The following MPHOSPH8 variants were observed in gnomAD, a reference collection of about 807,000 sequenced individuals.
The protein encoded by MPHOSPH8 is M-phase phosphoprotein 8, also known as M-phase phosphoprotein, mpp.
A neutral mutation model predicts 87.3 loss-of-function variants in MPHOSPH8; 45 were observed. The ratio of observed to expected loss-of-function variants is 0.52; its 90% CI spans 0.41 to 0.66. MPHOSPH8 has a LOEUF of 0.66. Ranked by LOEUF, MPHOSPH8 falls within the 30% of genes least tolerant of loss-of-function variation. MPHOSPH8 has a pLI of 0.00. For missense variants in MPHOSPH8, 883 were observed against 1,020.2 expected (o/e 0.87, Z 1.83); for synonymous variants, 366 against 376.9 (o/e 0.97, Z 0.33).
chr13:19,656,486 G>A (rs1363161528), intron 5 of MPHOSPH8, among the ~76,000 whole-genome samples: 8 of 152,124 alleles, frequency 5.3e-5, no homozygotes, highest in Admixed American at 2.6e-4. Flanking sequence ...CAGGCCGGGC[G>A]CGGTGGCTCA....
At chr13:19,657,516 C>T (rs575328048) in intron 5 of MPHOSPH8, among the ~76,000 whole-genome samples, 43 of 149,348 alleles carry the variant, frequency 2.9e-4, no homozygotes, top group African/African-American at 1.0e-3. Context: ...TGCAGTGAGC[C>T]GAGATGGCGC....
In MPHOSPH8 at chr13:19,668,513, C is replaced by T. The variant is rs1875943295; in HGVS notation, c.2311C>T (p.Pro771Ser). 4.3e-6 allele frequency: 7 copies of T among 1,614,048 alleles called. No homozygotes were observed. In the East Asian group the frequency reaches 1.1e-4, roughly 26 times the overall value. The part of the protein sequence containing the change: ...DFSTDFNYKP[P>S]QNIPEGSGIL... ...TTCAACAGATTTCAATTACAAACCCCCACAGAACATACCAGAAGGTAAGCC... is the reference window on the plus strand; with the variant it reads ...TTCAACAGATTTCAATTACAAACCCTCACAGAACATACCAGAAGGTAAGCC... The change falls in exon 11 of 14, where the codon CCA becomes TCA. Residue 771 changes from proline to serine, a missense_variant. Transcript: ENST00000361479.
intron 10 of MPHOSPH8, 145 bp downstream of exon 10, chr13:19,666,724 A>G: frequency 1.6e-6 from 1 of 630,106 alleles, no homozygotes; most frequent in Non-Finnish European, 2.4e-6. Context: ...AGTAGATCAC[A>G]GATTTAATAA....
In MPHOSPH8 at chr13:19,668,533, T is replaced by C. The variant is rs766819203; in HGVS notation, c.2329+2T>C. The C allele has an allele frequency of 1.2e-6, 2 of 1,611,988 alleles. No individual in the cohort carries two copies. Among genetic ancestry groups the C allele is most frequent in the Non-Finnish European group, 1.7e-6 (2 of 1,179,168 alleles). On this transcript the variant is annotated splice_donor_variant, in intron 11 of 13. Transcript: ENST00000361479. LOFTEE classifies it high-confidence loss of function. Reference sequence around the variant, plus strand: ...AACCCCCACAGAACATACCAGAAGGTAAGCCGATGCCTCCCTTCACACTTT... The same window carrying C: ...AACCCCCACAGAACATACCAGAAGGCAAGCCGATGCCTCCCTTCACACTTT...
chr13:19,645,507 C>G (rs1194029855), intron 2 of MPHOSPH8, among the ~76,000 whole-genome samples: 1 of 152,098 alleles, frequency 6.6e-6, no homozygotes, highest in Admixed American at 6.6e-5. Flanking sequence ...CGCCGTGGCT[C>G]ACCCCTGTAA....
intron 9 of MPHOSPH8, among the ~76,000 whole-genome samples, chr13:19,664,301 T>C (rs1465629141): frequency 1.3e-5 from 2 of 152,214 alleles, no homozygotes; most frequent in Non-Finnish European, 2.9e-5. Context: ...TGTGGTTGTC[T>C]TGTGTGGAGC....
chr13:19,657,075 T>G (rs1377540900), intron 5 of MPHOSPH8, among the ~76,000 whole-genome samples: 1 of 123,716 alleles, frequency 8.1e-6, no homozygotes, highest in Non-Finnish European at 1.5e-5. Flanking sequence ...TGAGCTGAGA[T>G]AGTGCCACTG....
In MPHOSPH8 at chr13:19,643,362, C is replaced by T. The variant is rs985952264; in HGVS notation, c.369+1092C>T. On this transcript the variant is annotated intron_variant, in intron 2 of 13. Transcript: ENST00000361479. The stretch of plus-strand genomic sequence containing the variant: ...GGTTCAAGTGACAATCCTCCCACCT[C>T]AGCCTCCCAAGCAGCTAGGACTATA... Among the ~76,000 whole-genome samples, 4 of 152,122 alleles carry T rather than the reference C, an allele frequency of 2.6e-5. No individual in the cohort carries two copies. The East Asian group carries it at 5.8e-4, about 22-fold the overall frequency.
chr13:19,648,096 G>A (rs1409132898), intron 3 of MPHOSPH8, among the ~76,000 whole-genome samples: 1 of 151,572 alleles, frequency 6.6e-6, no homozygotes, highest in Non-Finnish European at 1.5e-5. Flanking sequence ...GGGGGAACAT[G>A]GAGAAGTACA....
intron 1 of MPHOSPH8, among the ~76,000 whole-genome samples, chr13:19,637,072 G>C (rs1874047508): frequency 6.6e-6 from 1 of 152,124 alleles, no homozygotes; most frequent in African/African-American, 2.4e-5. Context: ...AAACTCAGAA[G>C]GTTCCTGAAA....
intron 10 of MPHOSPH8, among the ~76,000 whole-genome samples, chr13:19,668,078 A>G (rs1471555083): frequency 6.6e-6 from 1 of 152,214 alleles, no homozygotes; most frequent in African/African-American, 2.4e-5. Context: ...CCACTGATTC[A>G]TTAGACAACT....
chr13:19,642,302 A>G lies in MPHOSPH8; in HGVS notation c.369+32A>G, dbSNP rs1474624771. The G allele has an allele frequency of 2.7e-6, 4 of 1,507,660 alleles. No individual in the cohort carries two copies. The East Asian group carries it at 7.4e-5, about 28-fold the overall frequency. The allele number at this position is 1,507,660 out of a possible 1,614,324, so 93.4% of individuals were successfully genotyped here. ...TGTTTTGTCTCATATTTGTTTTTAC[A>G]TACATAAATTTATTGTAAATTTTAA... On this transcript the variant is annotated intron_variant, in intron 2 of 13. Transcript: ENST00000361479.
At chr13:19,653,247 C>CT (rs1874959320) in intron 5 of MPHOSPH8, among the ~76,000 whole-genome samples, 1 of 152,232 alleles carries the variant, frequency 6.6e-6, no homozygotes, top group Non-Finnish European at 1.5e-5. Context: ...AGGCAGCAAT[C>CT]TTTGCTGTTC....
At chr13:19,665,763 G>A (rs574774062) in intron 9 of MPHOSPH8, among the ~76,000 whole-genome samples, 16 of 152,280 alleles carry the variant, frequency 1.1e-4, no homozygotes, top group East Asian at 7.7e-4. Flanking sequence ...TCCTCTTTTC[G>A]CAAATGGAAA....
chr13:19,635,493 C>T (rs1407176393), intron 1 of MPHOSPH8, among the ~76,000 whole-genome samples: 4 of 152,056 alleles, frequency 2.6e-5, no homozygotes, highest in Admixed American at 6.5e-5. Flanking sequence ...GCGCCACTGC[C>T]CTCCAGCCTG....
Position 19,672,001 on chromosome 13 carries a change from G to C in MPHOSPH8, c.*126G>C, listed in dbSNP as rs960222548. 14 of 925,472 alleles carry C rather than the reference G, an allele frequency of 1.5e-5. No homozygotes were observed. Among genetic ancestry groups the C allele is most frequent in the Non-Finnish European group, 2.4e-5 (14 of 588,948 alleles). 57.3% of individuals were successfully genotyped at this position (925,472 alleles called of 1,614,324 possible). ...CTGTAAACCTCTTGCAGTTAAGCCTGTTGTCTGTTGTAGTCTGTAAGATGC... is the reference window on the plus strand; with the variant it reads ...CTGTAAACCTCTTGCAGTTAAGCCTCTTGTCTGTTGTAGTCTGTAAGATGC... On this transcript the variant is annotated 3_prime_UTR_variant, in exon 14 of 14. Transcript: ENST00000361479.
intron 9 of MPHOSPH8, 97 bp from the exon 10 acceptor site, chr13:19,666,328 T>C: frequency 7.7e-7 from 1 of 1,292,796 alleles, no homozygotes; most frequent in Middle Eastern, 2.0e-4. Context: ...GCCTGTGCCC[T>C]CTCTTCACAG....
intron 5 of MPHOSPH8, among the ~76,000 whole-genome samples, chr13:19,656,093 C>T (rs896687244): frequency 6.6e-6 from 1 of 151,938 alleles, no homozygotes; most frequent in Admixed American, 6.6e-5. Flanking sequence ...AAGAGCAAAA[C>T]TCCGTCTCAA....
chr13:19,633,715 C>T lies in MPHOSPH8; in HGVS notation c.-34C>T, dbSNP rs749839886. 15 of 1,559,412 alleles carry T rather than the reference C, an allele frequency of 9.6e-6. No individual in the cohort carries two copies. The highest frequency in any genetic ancestry group is 1.4e-5 in the African/African-American group (1 of 73,766). On this transcript the variant is annotated 5_prime_UTR_variant, in exon 1 of 14. Transcript: ENST00000361479. ...GGGGCTGCTGGGGTGTTTGTCGCAGCGGGTTTTCCTCGGCGGTTTGCGGAG... is the reference window on the plus strand; with the variant it reads ...GGGGCTGCTGGGGTGTTTGTCGCAGTGGGTTTTCCTCGGCGGTTTGCGGAG...
Sources: gnomAD v4.1 joint callset for allele counts (sites outside exome capture counted in the v4.1 genomes callset) on GRCh38, gnomAD v4.1.1 for gene constraint, MANE v1.5 for transcripts, NCBI Gene and HGNC (gene_info 2026-07-23, HGNC 2026-07-21) for gene names.